Variants in CHD9 observed in about 807,000 individuals in gnomAD.
CHD9 encodes the protein ATP-dependent chromatin remodeler CHD9.
A neutral mutation model predicts 316.1 loss-of-function variants in CHD9; 77 were observed. The ratio of observed to expected loss-of-function variants is 0.24; its 90% CI spans 0.20 to 0.29. The LOEUF (loss-of-function observed/expected upper bound fraction) is 0.29, where lower values mean the gene tolerates loss of function less well. Among genes scored for constraint, CHD9 ranks in the 10% least tolerant of loss-of-function variants. CHD9 has a pLI of 1.00. For missense variants in CHD9, 2,763 were observed against 3,438.1 expected, an observed-to-expected ratio of 0.80 and a Z score of 4.91; for synonymous variants, 1,129 against 1,158.3, an observed-to-expected ratio of 0.97 and a Z score of 0.51.
At chr16:53,131,405 C>CCCGGGG (rs1182260234) in intron 1 of CHD9, 6 of 143,950 alleles carry the variant, frequency 4.2e-5, no homozygotes, top group African/African-American at 1.5e-4. Flanking sequence ...GGGATCCGGT[C>CCCGGGG]CCGGGGCCGG....
Position 53,226,496 on chromosome 16 carries a change from C to T in CHD9, c.2027C>T (p.Pro676Leu), listed in dbSNP as rs776167248. The T allele has an allele frequency of 1.2e-6, 2 of 1,600,170 alleles. No homozygotes were observed. Among genetic ancestry groups the T allele is most frequent in the South Asian group, 2.3e-5 (2 of 87,288 alleles). Reference protein sequence around the residue: ...KNSAPLPGEQPLQLFVENPSE... With the variant: ...KNSAPLPGEQLLQLFVENPSE... ...TCAGCTCCTTTACCTGGTGAACAGC[C>T]TTTACAATTGTTTGTGGTAAGCATA... Residue 676 changes from proline to leucine, a missense_variant, in exon 5 of 39, where the codon CCT becomes CTT. Physicochemically the swap from Pro to Leu is moderately conservative, Grantham distance 98. Coordinates refer to ENST00000447540, the MANE Select transcript of CHD9 (RefSeq NM_001308319.2).
intron 29 of CHD9, among the ~76,000 whole-genome samples, chr16:53,295,001 G>A (rs2054649987): frequency 6.6e-6 from 1 of 152,146 alleles, no homozygotes; most frequent in Non-Finnish European, 1.5e-5. Flanking sequence ...CAGCCAGAGT[G>A]CCCTACTTAT....
intron 1 of CHD9, among the ~76,000 whole-genome samples, chr16:53,068,920 C>T (rs1449374952): frequency 1.3e-5 from 2 of 152,176 alleles, no homozygotes; most frequent in African/African-American, 2.4e-5. Context: ...TATATATATC[C>T]ACATATTTTA....
At chr16:53,264,865 T>C (rs962306842) in intron 20 of CHD9, among the ~76,000 whole-genome samples, 6 of 152,048 alleles carry the variant, frequency 3.9e-5, no homozygotes, top group African/African-American at 1.4e-4. Context: ...TGGCAGAATG[T>C]GAAGAGTTAG....
intron 19 of CHD9, 139 bp downstream of exon 19, chr16:53,255,918 T>G (rs1488277891): frequency 2.6e-6 from 2 of 757,612 alleles, no homozygotes; most frequent in South Asian, 4.2e-5. Flanking sequence ...TTTCCTTCAT[T>G]TTTTTCTGAT....
chr16:53,103,001 A>T (rs1026311434), intron 1 of CHD9, among the ~76,000 whole-genome samples: 5 of 151,214 alleles, frequency 3.3e-5, no homozygotes, highest in Non-Finnish European at 5.9e-5. Flanking sequence ...ACCCGCCACC[A>T]CCCCTGGCTA....
chr16:53,224,795 A>G (rs1296800337), intron 4 of CHD9, among the ~76,000 whole-genome samples: 1 of 152,250 alleles, frequency 6.6e-6, no homozygotes, highest in African/African-American at 2.4e-5. Context: ...GGTGCCCATA[A>G]TAGAATTCTA....
chr16:53,320,536 A>T (rs2057206041), intron 37 of CHD9, among the ~76,000 whole-genome samples: 1 of 152,118 alleles, frequency 6.6e-6, no homozygotes, highest in Non-Finnish European at 1.5e-5. Context: ...AAATAAATAA[A>T]TACTTATAGG....
chr16:53,067,374 A>G (rs1248964438), intron 1 of CHD9, among the ~76,000 whole-genome samples: 1 of 152,232 alleles, frequency 6.6e-6, no homozygotes, highest in Non-Finnish European at 1.5e-5. Flanking sequence ...GTTTATTCAG[A>G]TACCCTTAGT....
rs201098485 is a variant in CHD9 at position 53,218,834 on chromosome 16, CTACAAACTATT to C, written c.1785-3808_1785-3798del. ...TACACTCTCCGTGTGTTGTTCTCATCTACAAACTATTTGAAAATACACATTTAAGTTGGAGA... is the reference window on the plus strand; with the variant it reads ...TACACTCTCCGTGTGTTGTTCTCATCTGAAAATACACATTTAAGTTGGAGA... On this transcript the variant is annotated intron_variant, in intron 3 of 38. Coordinates refer to ENST00000447540, the MANE Select transcript of CHD9 (RefSeq NM_001308319.2). Among the ~76,000 whole-genome samples the C allele has an allele frequency of 7.6e-3, 1,155 of 152,252 alleles. 17 individuals are homozygous for C. The highest frequency in any genetic ancestry group is 0.026 in the African/African-American group (1,091 of 41,536).
intron 10 of CHD9, among the ~76,000 whole-genome samples, chr16:53,232,914 G>A (rs960237320): frequency 1.3e-5 from 2 of 152,128 alleles, no homozygotes; most frequent in African/African-American, 4.8e-5. Context: ...TGATGTTTAA[G>A]AAAAGCTTTC....
intron 1 of CHD9, among the ~76,000 whole-genome samples, chr16:53,114,557 C>A (rs372654988): frequency 6.6e-5 from 10 of 151,382 alleles, no homozygotes; most frequent in African/African-American, 2.2e-4. Context: ...TGCGCCTGGC[C>A]AGCATTATTT....
intron 2 of CHD9, among the ~76,000 whole-genome samples, chr16:53,166,497 C>G (rs1324969347): frequency 6.6e-6 from 1 of 152,066 alleles, no homozygotes; most frequent in African/African-American, 2.4e-5. Flanking sequence ...TACCTTAGGA[C>G]TACTCAGTCA....
intron 2 of CHD9, among the ~76,000 whole-genome samples, chr16:53,188,602 CTTTTTTTT>C (rs369979479): frequency 1.4e-5 from 1 of 71,236 alleles, no homozygotes; most frequent in Non-Finnish European, 2.8e-5. Context: ...TGGTCATTAC[CTTTTTTTT>C]TTTTTTTTTT....
intron 2 of CHD9, among the ~76,000 whole-genome samples, chr16:53,173,250 G>C (rs941184690): frequency 6.8e-6 from 1 of 147,896 alleles, no homozygotes; most frequent in East Asian, 2.0e-4. Context: ...GTGTCTTTTT[G>C]AGTGAGTTTT....
At chr16:53,124,435 C>T (rs1000417639) in intron 1 of CHD9, among the ~76,000 whole-genome samples, 2 of 147,960 alleles carry the variant, frequency 1.4e-5, no homozygotes, top group East Asian at 4.0e-4. Context: ...GGAAACTCCC[C>T]TTTATAAAAC....
At chr16:53,241,002 T>C (rs986680383) in intron 12 of CHD9, among the ~76,000 whole-genome samples, 4 of 152,144 alleles carry the variant, frequency 2.6e-5, no homozygotes, top group African/African-American at 9.7e-5. Flanking sequence ...CTGAATATAT[T>C]ATATCCCAGG....
intron 2 of CHD9, among the ~76,000 whole-genome samples, chr16:53,191,217 T>C (rs1429839827): frequency 6.6e-6 from 1 of 152,158 alleles, no homozygotes; most frequent in Non-Finnish European, 1.5e-5. Context: ...TTTTTCTTTA[T>C]GGCTTTTTCA....
At chr16:53,253,626 A>T (rs941828414) in intron 17 of CHD9, among the ~76,000 whole-genome samples, 1 of 152,138 alleles carries the variant, frequency 6.6e-6, no homozygotes, top group Non-Finnish European at 1.5e-5. Flanking sequence ...TATTGAAAAG[A>T]TTGTTGATAA....
Sources: gnomAD v4.1 joint callset for allele counts (sites outside exome capture counted in the v4.1 genomes callset) on GRCh38, gnomAD v4.1.1 for gene constraint, MANE v1.5 for transcripts, NCBI Gene and HGNC (gene_info 2026-07-23, HGNC 2026-07-21) for gene names.